The following LRMDA variants were observed in gnomAD, a reference collection of about 807,000 sequenced individuals.
LRMDA encodes the protein leucine-rich melanocyte differentiation-associated protein.
A neutral mutation model predicts 29.8 loss-of-function variants in LRMDA; 18 were observed. The observed-to-expected ratio is 0.60, with a 90% CI of 0.42 to 0.90. The LOEUF (loss-of-function observed/expected upper bound fraction) is 0.90. LRMDA is among the 40% of genes least tolerant of loss of function. The pLI, the probability that LRMDA is intolerant of heterozygous loss-of-function variation, is 0.00. For synonymous variants in LRMDA, 125 were observed against 109.4 expected, an observed-to-expected ratio of 1.14 and a Z score of -0.89; for missense variants, 273 against 273.9, an observed-to-expected ratio of 1.00 and a Z score of 0.02.
chr10:75,946,216 G>T (rs1272631403), intron 2 of LRMDA, among the ~76,000 whole-genome samples: 1 of 152,204 alleles, frequency 6.6e-6, no homozygotes, highest in Non-Finnish European at 1.5e-5. Context: ...CTGCCTGGTG[G>T]ACTGACTCAG....
chr10:76,122,727 G>A (rs1849811214), intron 5 of LRMDA, among the ~76,000 whole-genome samples: 2 of 152,262 alleles, frequency 1.3e-5, no homozygotes, highest in East Asian at 1.9e-4. Flanking sequence ...TACAAAATGA[G>A]GGATGGAGAT....
chr10:76,427,693 G>A (rs1314379369), intron 6 of LRMDA, among the ~76,000 whole-genome samples: 2 of 152,104 alleles, frequency 1.3e-5, no homozygotes, highest in Non-Finnish European at 2.9e-5. Context: ...GTTTTCAAAG[G>A]GAATGCTTCC....
At chr10:76,303,697 G>A (rs1309487670) in intron 5 of LRMDA, among the ~76,000 whole-genome samples, 2 of 147,926 alleles carry the variant, frequency 1.4e-5, no homozygotes, top group Non-Finnish European at 3.0e-5. Context: ...GAATTCCCTG[G>A]GAATGGGATT....
At chr10:75,652,423 G>A (rs1841611349) in intron 2 of LRMDA, among the ~76,000 whole-genome samples, 1 of 152,232 alleles carries the variant, frequency 6.6e-6, no homozygotes, top group African/African-American at 2.4e-5. Flanking sequence ...GAAGCTGTCA[G>A]GGCAGATAAA....
In LRMDA at chr10:76,559,154, A is replaced by G. The variant is rs1843594474; in HGVS notation, c.*1866A>G. On this transcript the variant is annotated 3_prime_UTR_variant, in exon 7 of 7. Coordinates refer to ENST00000611255, the MANE Select transcript of LRMDA (RefSeq NM_001305581.2). ...GATGTCATATCCAATCTAGCCACAC[A>G]TATATCCTTGTCTTTATAAAAGGCT... 1.3e-5 allele frequency: 2 copies of G among 152,236 alleles called. No homozygotes were observed. Among genetic ancestry groups the G allele is most frequent in the South Asian group, 4.1e-4 (2 of 4,832 alleles). The allele number at this position is 152,236 out of a possible 1,614,324, so 9.4% of individuals were successfully genotyped here. A position where few individuals can be genotyped will look rare whatever the true frequency, so the allele number is the denominator to read the frequency against.
chr10:75,540,992 G>T (rs968443270), intron 2 of LRMDA, among the ~76,000 whole-genome samples: 6 of 151,620 alleles, frequency 4.0e-5, no homozygotes, highest in African/African-American at 2.4e-5. Flanking sequence ...TTTTAAAAAG[G>T]AAAAAAACAG....
chr10:75,602,265 C>T (rs1392128917), intron 2 of LRMDA, among the ~76,000 whole-genome samples: 1 of 152,016 alleles, frequency 6.6e-6, no homozygotes, highest in Non-Finnish European at 1.5e-5. Context: ...GGATTTTGAT[C>T]TAGAATGACT....
intron 6 of LRMDA, among the ~76,000 whole-genome samples, chr10:76,470,215 C>A (rs1412450483): frequency 6.6e-6 from 1 of 152,008 alleles, no homozygotes; most frequent in Non-Finnish European, 1.5e-5. Context: ...AGGCTGAAAG[C>A]AGTACACCCC....
At chr10:76,258,945 T>C (rs564009568) in intron 5 of LRMDA, among the ~76,000 whole-genome samples, 1 of 152,284 alleles carries the variant, frequency 6.6e-6, no homozygotes, top group Admixed American at 6.5e-5. Flanking sequence ...AGATGTCTTT[T>C]TGATATGATG....
chr10:75,482,700 G>T (rs1844867043), intron 2 of LRMDA, among the ~76,000 whole-genome samples: 1 of 152,106 alleles, frequency 6.6e-6, no homozygotes, highest in Non-Finnish European at 1.5e-5. Context: ...ACTGGTTCTG[G>T]CGAAATCAGC....
intron 2 of LRMDA, among the ~76,000 whole-genome samples, chr10:75,564,873 A>T (rs1357957688): frequency 6.6e-6 from 1 of 152,218 alleles, no homozygotes; most frequent in African/African-American, 2.4e-5. Flanking sequence ...TCTGTAAGGG[A>T]TTCACCAGAT....
At chr10:76,016,910 C>A (rs1054588079) in intron 2 of LRMDA, among the ~76,000 whole-genome samples, 2 of 152,164 alleles carry the variant, frequency 1.3e-5, no homozygotes, top group Non-Finnish European at 2.9e-5. Flanking sequence ...TTCCTTAGGC[C>A]TGGATGAGAA....
At chr10:75,889,287 C>A (rs1589242274) in intron 2 of LRMDA, among the ~76,000 whole-genome samples, 1 of 152,266 alleles carries the variant, frequency 6.6e-6, no homozygotes, top group Middle Eastern at 3.4e-3. Context: ...AGGTTCAAAC[C>A]TGAAATTAGA....
At chr10:76,139,433 G>A (rs933107375) in intron 5 of LRMDA, among the ~76,000 whole-genome samples, 5 of 151,664 alleles carry the variant, frequency 3.3e-5, no homozygotes, top group Non-Finnish European at 4.4e-5. Context: ...CTCTACACAC[G>A]CACAGACGCA....
intron 6 of LRMDA, among the ~76,000 whole-genome samples, chr10:76,437,906 C>T (rs189861429): frequency 6.6e-6 from 1 of 152,270 alleles, no homozygotes; most frequent in African/African-American, 2.4e-5. Context: ...CTCATAACAA[C>T]CATAAGGTAG....
intron 5 of LRMDA, among the ~76,000 whole-genome samples, chr10:76,109,465 A>G (rs993119858): frequency 1.3e-5 from 2 of 152,046 alleles, no homozygotes; most frequent in Non-Finnish European, 2.9e-5. Context: ...TTCCTTCTTT[A>G]TCTTGCATAG....
At chr10:75,618,380 CTCTATATA>C (rs1225830672) in intron 2 of LRMDA, among the ~76,000 whole-genome samples, 81 of 55,286 alleles carry the variant, frequency 1.5e-3, no homozygotes, top group African/African-American at 4.3e-3. Flanking sequence ...CTCTCTCTCT[CTCTATATA>C]TATATATATA....
chr10:76,299,599 C>CTTTT (rs369236399), intron 5 of LRMDA, among the ~76,000 whole-genome samples: 3 of 97,856 alleles, frequency 3.1e-5, no homozygotes, highest in Non-Finnish European at 6.3e-5. Flanking sequence ...ACCCCCCTTC[C>CTTTT]TTTCTTTTTT....
chr10:75,813,940 A>G (rs1473947678), intron 2 of LRMDA, among the ~76,000 whole-genome samples: 2 of 152,250 alleles, frequency 1.3e-5, no homozygotes, highest in Non-Finnish European at 2.9e-5. Flanking sequence ...CACCTTGATG[A>G]AAATCGAAGC....
Sources: gnomAD v4.1 joint callset for allele counts (sites outside exome capture counted in the v4.1 genomes callset) on GRCh38, gnomAD v4.1.1 for gene constraint, MANE v1.5 for transcripts, NCBI Gene and HGNC (gene_info 2026-07-23, HGNC 2026-07-21) for gene names.